The following NCOA2 variants were observed in gnomAD, a reference collection of about 807,000 sequenced individuals.
NCOA2 encodes class E basic helix-loop-helix protein 75.
NCOA2 carries 21 observed loss-of-function variants against 145.1 expected under a neutral mutation model. The ratio of observed to expected loss-of-function variants is 0.14; its 90% CI spans 0.10 to 0.21. The LOEUF (loss-of-function observed/expected upper bound fraction) is 0.21, where lower values mean the gene tolerates loss of function less well. Ranked by LOEUF, NCOA2 falls within the 10% of genes least tolerant of loss-of-function variation. The pLI is 1.00. For synonymous variants in NCOA2, 619 were observed against 637.5 expected, an observed-to-expected ratio of 0.97 and a Z score of 0.44; for missense variants, 1,472 against 1,837.6, an observed-to-expected ratio of 0.80 and a Z score of 3.64.
At chr8:70,204,223 G>C (rs1367426482) in intron 4 of NCOA2, among the ~76,000 whole-genome samples, 1 of 152,068 alleles carries the variant, frequency 6.6e-6, no homozygotes, top group Non-Finnish European at 1.5e-5. Context: ...GGCCAGGATA[G>C]TCTCGAACTC....
At chr8:70,118,814 G>A (rs1160464677) in intron 22 of NCOA2, among the ~76,000 whole-genome samples, 4 of 150,798 alleles carry the variant, frequency 2.7e-5, no homozygotes, top group South Asian at 2.1e-4. Context: ...TCAGCCTCCC[G>A]AGTAGCTGGG....
At chr8:70,176,501 C>A (rs2132816224) in intron 4 of NCOA2, among the ~76,000 whole-genome samples, 1 of 152,254 alleles carries the variant, frequency 6.6e-6, no homozygotes, top group Non-Finnish European at 1.5e-5. Context: ...CAGCCGGTCC[C>A]TTCTGAGGCG....
At chr8:70,142,513 A>G (rs1810554591) in intron 13 of NCOA2, among the ~76,000 whole-genome samples, 1 of 152,116 alleles carries the variant, frequency 6.6e-6, no homozygotes, top group African/African-American at 2.4e-5. Context: ...AGCCTGGGCA[A>G]CATGGGGAAG....
chr8:70,169,778 TACA>T (rs1175988290), intron 6 of NCOA2, among the ~76,000 whole-genome samples: 1 of 152,050 alleles, frequency 6.6e-6, no homozygotes, highest in Middle Eastern at 3.2e-3. Flanking sequence ...TTAAAAAAAA[TACA>T]ACAATCTTAA....
intron 7 of NCOA2, 137 bp downstream of exon 7, chr8:70,166,429 C>G: frequency 9.7e-7 from 1 of 1,035,394 alleles, no homozygotes. Flanking sequence ...AAATTTCCAT[C>G]ACAAAACAGT....
chr8:70,168,282 C>T (rs1194944410), intron 6 of NCOA2, among the ~76,000 whole-genome samples: 2 of 152,162 alleles, frequency 1.3e-5, no homozygotes. Context: ...TATGTTTTTG[C>T]AGACATTTGG....
chr8:70,389,029 T>TA (rs1286300638), intron 1 of NCOA2, among the ~76,000 whole-genome samples: 1 of 152,190 alleles, frequency 6.6e-6, no homozygotes, highest in Non-Finnish European at 1.5e-5. Flanking sequence ...TTTAAAGGAA[T>TA]AAAAAACAGA....
At chr8:70,211,755 A>G (rs1819053422) in intron 4 of NCOA2, among the ~76,000 whole-genome samples, 1 of 152,200 alleles carries the variant, frequency 6.6e-6, no homozygotes, top group Non-Finnish European at 1.5e-5. Context: ...TATTCGGAAA[A>G]TATCAGAGTA....
chr8:70,189,511 C>T (rs951541819), intron 4 of NCOA2, among the ~76,000 whole-genome samples: 5 of 152,140 alleles, frequency 3.3e-5, no homozygotes, highest in Non-Finnish European at 7.3e-5. Flanking sequence ...CCCAAGTGAC[C>T]CACACTCTGG....
At chr8:70,455,661 C>T in the NCOA2 span, among the ~76,000 whole-genome samples, 3 of 151,076 alleles carry the variant, frequency 2.0e-5, no homozygotes, top group South Asian at 2.1e-4. Flanking sequence ...AATCACCCAA[C>T]GCGAGTCCTT....
chr8:70,390,369 T>A (rs1164003074), intron 1 of NCOA2, among the ~76,000 whole-genome samples: 1 of 152,250 alleles, frequency 6.6e-6, no homozygotes, highest in Non-Finnish European at 1.5e-5. Flanking sequence ...AGTGTTTTTC[T>A]GGAGTTATTC....
rs538672998 is a variant in NCOA2, at chr8:70,351,242, A to G, written c.-77+52458T>C. 6.6e-5 allele frequency among the ~76,000 whole-genome samples: 10 copies of G among 152,252 alleles called. No individual in the cohort carries two copies. In the South Asian group the frequency reaches 2.1e-3, roughly 32 times the overall value. On this transcript the variant is annotated intron_variant, in intron 1 of 22. Coordinates refer to ENST00000452400, the MANE Select transcript of NCOA2 (RefSeq NM_006540.4). ...CACGGTAAACATATACCGACAACCT[A>G]CCTTTATATGAACATGATTGATATG...
intron 2 of NCOA2, among the ~76,000 whole-genome samples, chr8:70,294,853 G>A (rs1410477923): frequency 1.3e-5 from 2 of 152,140 alleles, no homozygotes; most frequent in African/African-American, 4.8e-5. Context: ...ATAATGCCTA[G>A]CATACAGTAA....
chr8:70,156,238 T>C lies in NCOA2; in HGVS notation c.2127A>G (p.Glu709=). 6.2e-7 allele frequency: 1 copy of C among 1,614,002 alleles called. No homozygotes were observed. The highest frequency in any genetic ancestry group is 8.5e-7 in the Non-Finnish European group (1 of 1,179,884). The change falls in exon 11 of 23, where the codon GAA becomes GAG. Residue 709 remains glutamate, a synonymous_variant. Coordinates refer to ENST00000452400, the MANE Select transcript of NCOA2 (RefSeq NM_006540.4). ...SPVDLAKLTA[E]ATGKDLSQES... is the part of the protein sequence containing the mutation. ...CCTGGCTCAGGTCTTTGCCTGTGGC[T>C]TCTGCTGTTAACTTGGCCAAGTCCA... is the stretch of plus-strand genomic sequence containing the variant.
intron 1 of NCOA2, among the ~76,000 whole-genome samples, chr8:70,396,624 A>G (rs147354590): frequency 1.7e-3 from 263 of 152,352 alleles, no homozygotes; most frequent in Non-Finnish European, 3.3e-3. Flanking sequence ...AAAAATCTAT[A>G]ATTTCAAGAA....
intron 20 of NCOA2, among the ~76,000 whole-genome samples, 189 bp downstream of exon 20, chr8:70,124,499 A>T (rs1808184729): frequency 6.6e-6 from 1 of 152,080 alleles, no homozygotes; most frequent in Non-Finnish European, 1.5e-5. Context: ...GAACAAGAAC[A>T]TCCCTAACAA....
intron 2 of NCOA2, among the ~76,000 whole-genome samples, chr8:70,280,735 T>C (rs903405908): frequency 7.4e-6 from 1 of 135,090 alleles, no homozygotes; most frequent in Non-Finnish European, 1.7e-5. Flanking sequence ...AATCAGAAAA[T>C]TGGAGTCAAG....
At chr8:70,218,203 T>TG (rs890142978) in intron 2 of NCOA2, among the ~76,000 whole-genome samples, 2 of 150,584 alleles carry the variant, frequency 1.3e-5, no homozygotes, top group African/African-American at 4.9e-5. Context: ...GAGTTAGTTT[T>TG]TTTTTTTTTT....
At chr8:70,305,039 T>C (rs1163074509) in intron 1 of NCOA2, among the ~76,000 whole-genome samples, 2 of 150,880 alleles carry the variant, frequency 1.3e-5, no homozygotes, top group African/African-American at 2.4e-5. Flanking sequence ...TTCATATTTA[T>C]TTATTCATTC....
Sources: gnomAD v4.1 joint callset for allele counts (sites outside exome capture counted in the v4.1 genomes callset) on GRCh38, gnomAD v4.1.1 for gene constraint, MANE v1.5 for transcripts, NCBI Gene and HGNC (gene_info 2026-07-23, HGNC 2026-07-21) for gene names.